SNX29: variants seen among roughly 807,000 people sequenced by gnomAD.
SNX29 encodes sorting nexin 29.
SNX29 carries 78 observed loss-of-function variants against 102.1 expected under a neutral mutation model. The ratio of observed to expected loss-of-function variants is 0.76; its 90% CI spans 0.64 to 0.92. The LOEUF (loss-of-function observed/expected upper bound fraction) is 0.92, where lower values mean the gene tolerates loss of function less well. Among genes scored for constraint, SNX29 ranks in the 40% least tolerant of loss-of-function variants. The probability of loss-of-function intolerance (pLI) is 0.00; values close to 1 mark genes in which losing one functional copy is unlikely to be tolerated. For missense variants in SNX29, 1,280 were observed against 1,061.7 expected, an observed-to-expected ratio of 1.21 and a Z score of -2.86; for synonymous variants, 580 against 414.5, an observed-to-expected ratio of 1.40 and a Z score of -4.85.
At chr16:12,015,862 TTTTA>T (rs1035786773) in intron 3 of SNX29, among the ~76,000 whole-genome samples, 4 of 148,774 alleles carry the variant, frequency 2.7e-5, no homozygotes, top group African/African-American at 1.0e-4. Flanking sequence ...TAATGATTCT[TTTTA>T]TTTATTTATT....
intron 20 of SNX29, among the ~76,000 whole-genome samples, chr16:12,545,278 T>C (rs1378362036): frequency 6.6e-6 from 1 of 152,202 alleles, no homozygotes; most frequent in Non-Finnish European, 1.5e-5. Flanking sequence ...GAGAAATTGG[T>C]TTGCCACTTC....
intron 19 of SNX29, among the ~76,000 whole-genome samples, chr16:12,484,083 C>G (rs1199985850): frequency 6.6e-6 from 1 of 152,208 alleles, no homozygotes; most frequent in East Asian, 1.9e-4. Context: ...CCCATGGACT[C>G]CACTTTCAAA....
At chr16:12,386,919 A>T (rs1235919258) in intron 16 of SNX29, among the ~76,000 whole-genome samples, 1 of 152,072 alleles carries the variant, frequency 6.6e-6, no homozygotes, top group Non-Finnish European at 1.5e-5. Context: ...GAGGTCAGGA[A>T]TTCAAGACTA....
At chr16:12,300,975 C>T (rs2080155881) in intron 15 of SNX29, among the ~76,000 whole-genome samples, 1 of 152,200 alleles carries the variant, frequency 6.6e-6, no homozygotes, top group African/African-American at 2.4e-5. Context: ...AGGCATCTCA[C>T]ACTGAATAAG....
chr16:12,488,233 G>A (rs969992852), intron 19 of SNX29, among the ~76,000 whole-genome samples: 3 of 151,892 alleles, frequency 2.0e-5, no homozygotes, highest in African/African-American at 7.3e-5. Context: ...TATTTTCTAG[G>A]TATAGCACAC....
rs866268070 is a variant in SNX29 at position 12,499,785 on chromosome 16, C to G, written c.2178+21926C>G. On this transcript the variant is annotated intron_variant, in intron 19 of 20. Transcript: ENST00000566228. ...GACCTCCCTGTGCTCAGGTGATTCTCCCAACTCAACCTCCTGAGTACCTGG... is the reference window on the plus strand; with the variant it reads ...GACCTCCCTGTGCTCAGGTGATTCTGCCAACTCAACCTCCTGAGTACCTGG... 6.6e-5 allele frequency among the ~76,000 whole-genome samples: 10 copies of G among 152,252 alleles called. No individual in the cohort carries two copies. The Middle Eastern group carries it at 0.017, about 259-fold the overall frequency.
chr16:12,392,166 T>C (rs1040893544), intron 16 of SNX29, among the ~76,000 whole-genome samples: 13 of 152,246 alleles, frequency 8.5e-5, no homozygotes, highest in Admixed American at 3.3e-4. Context: ...CATTATATCT[T>C]AGAGATCTCC....
In SNX29 at chr16:12,178,860, C is replaced by T. The variant is rs560859239; in HGVS notation, c.1596-20741C>T. 9.9e-5 allele frequency among the ~76,000 whole-genome samples: 15 copies of T among 152,268 alleles called. No individual in the cohort carries two copies. The South Asian group carries it at 2.7e-3, about 27-fold the overall frequency. On this transcript the variant is annotated intron_variant, in intron 13 of 20. Transcript: ENST00000566228. ...GCTTCTCTGGAGTTCCTGCTCTGAT[C>T]GTAATAGTGTATTATTTTTCTGAGG...
intron 15 of SNX29, among the ~76,000 whole-genome samples, chr16:12,335,029 T>G (rs961284161): frequency 2.7e-5 from 4 of 150,882 alleles, no homozygotes; most frequent in African/African-American, 9.7e-5. Context: ...CCTGCCAAGA[T>G]GCATGTGAGG....
intron 13 of SNX29, among the ~76,000 whole-genome samples, chr16:12,149,247 A>G (rs2055195633): frequency 6.6e-6 from 1 of 152,158 alleles, no homozygotes; most frequent in African/African-American, 2.4e-5. Context: ...AAAGCAGGAG[A>G]AGGGGAGAAA....
intron 13 of SNX29, among the ~76,000 whole-genome samples, chr16:12,178,178 C>T (rs532062168): frequency 4.4e-4 from 67 of 152,252 alleles, no homozygotes; most frequent in African/African-American, 1.5e-3. Context: ...GGGGACAAGA[C>T]GCACAGGGAC....
intron 9 of SNX29, among the ~76,000 whole-genome samples, chr16:12,062,377 AAAATAAATAAATAAATAAAT>A (rs34207508): frequency 3.6e-5 from 5 of 137,642 alleles, no homozygotes; most frequent in African/African-American, 1.4e-4. Context: ...ACTCTGTCTC[AAAATAAATAAATAAATAAAT>A]AAATAAATAA....
At chr16:12,207,549 C>T (rs947366328) in intron 14 of SNX29, among the ~76,000 whole-genome samples, 3 of 152,114 alleles carry the variant, frequency 2.0e-5, no homozygotes, top group Non-Finnish European at 4.4e-5. Flanking sequence ...CGCAGTGTCT[C>T]GCTCTCACTG....
rs767198491 is a variant in SNX29, at chr16:12,568,592, A to C, written c.2405A>C (p.Glu802Ala). Residue 802 changes from glutamate to alanine, a missense_variant, in exon 21 of 21, where the codon GAG (glutamate) becomes GCG (alanine). Physicochemically the swap from Glu to Ala is moderately radical, Grantham distance 107. Coordinates refer to ENST00000566228, the MANE Select transcript of SNX29 (RefSeq NM_032167.5). Reference protein sequence around the residue: ...FPKLSRGQPRETRNVEPQSGD... With the variant: ...FPKLSRGQPRATRNVEPQSGD... ...AAACTGTCCCGGGGTCAGCCCCGGG[A>C]GACCCGCAACGTGGAGCCCCAGAGC... 5 of 1,606,302 alleles carry C rather than the reference A, an allele frequency of 3.1e-6. No homozygotes were observed. The African/African-American group carries it at 4.0e-5, about 13-fold the overall frequency.
Position 12,563,234 on chromosome 16 carries a change from C to T in SNX29, c.2319-5272C>T, listed in dbSNP as rs147010085. Among the ~76,000 whole-genome samples the T allele has an allele frequency of 6.8e-3, 1,031 of 152,210 alleles. 10 individuals are homozygous for T. Among genetic ancestry groups the T allele is most frequent in the Middle Eastern group, 0.048 (14 of 290 alleles). The stretch of plus-strand genomic sequence containing the variant: ...GAGGCTCATACCCTGAAAGTGGCCT[C>T]CCCATCATCACTGACCCCGCCCAGG... On this transcript the variant is annotated intron_variant, in intron 20 of 20. Coordinates refer to ENST00000566228, the MANE Select transcript of SNX29 (RefSeq NM_032167.5).
chr16:12,474,929 G>A (rs1234594635), intron 18 of SNX29, among the ~76,000 whole-genome samples: 6 of 152,238 alleles, frequency 3.9e-5, no homozygotes, highest in Non-Finnish European at 8.8e-5. Flanking sequence ...ACGCCCATCT[G>A]GATGTGACCT....
intron 15 of SNX29, among the ~76,000 whole-genome samples, chr16:12,283,385 T>C (rs2079495822): frequency 6.6e-6 from 1 of 151,660 alleles, no homozygotes. Context: ...AGTGGCGTGA[T>C]CTTGGCTCAC....
At chr16:12,392,293 G>T (rs1413025248) in intron 16 of SNX29, among the ~76,000 whole-genome samples, 1 of 152,112 alleles carries the variant, frequency 6.6e-6, no homozygotes, top group East Asian at 1.9e-4. Context: ...TACCCTAAGT[G>T]GTATTGCAAC....
At chr16:12,538,307 A>C (rs2141225457) in intron 20 of SNX29, among the ~76,000 whole-genome samples, 1 of 152,120 alleles carries the variant, frequency 6.6e-6, no homozygotes. Flanking sequence ...TTTTTAGTAG[A>C]GAGGGGGTTT....
Sources: gnomAD v4.1 joint callset for allele counts (sites outside exome capture counted in the v4.1 genomes callset) on GRCh38, gnomAD v4.1.1 for gene constraint, MANE v1.5 for transcripts, NCBI Gene and HGNC (gene_info 2026-07-23, HGNC 2026-07-21) for gene names.